Variants in ADGRL3 observed in about 807,000 individuals in gnomAD.
ADGRL3 encodes adhesion G protein-coupled receptor L3, also known as calcium-independent alpha-latrotoxin receptor 3.
ADGRL3 carries 62 observed loss-of-function variants against 153.5 expected under a neutral mutation model. That is an observed-to-expected ratio of 0.40 (90% CI 0.33 to 0.50). ADGRL3 has a LOEUF of 0.50. ADGRL3 is among the 20% of genes least tolerant of loss of function. ADGRL3 has a pLI of 0.47. For synonymous variants in ADGRL3, 710 were observed against 672.5 expected (o/e 1.06, Z -0.86); for missense variants, 1,641 against 1,859.4 (o/e 0.88, Z 2.16).
At chr4:61,252,991 G>C (rs1323620521) in intron 1 of ADGRL3, among the ~76,000 whole-genome samples, 1 of 152,102 alleles carries the variant, frequency 6.6e-6, no homozygotes, top group African/African-American at 2.4e-5. Context: ...GGTGTGTCAT[G>C]CATGTATTTT....
At chr4:61,485,273 G>T (rs931407134) in intron 2 of ADGRL3, among the ~76,000 whole-genome samples, 1 of 152,114 alleles carries the variant, frequency 6.6e-6, no homozygotes, top group Middle Eastern at 3.4e-3. Flanking sequence ...ATTATATTGC[G>T]ATATTTTGTG....
chr4:61,724,108 T>C (rs1349394934), intron 6 of ADGRL3, among the ~76,000 whole-genome samples: 1 of 152,326 alleles, frequency 6.6e-6, no homozygotes, highest in Non-Finnish European at 1.5e-5. Context: ...TTTAGTCTTA[T>C]ACAATCTGAG....
intron 23 of ADGRL3, among the ~76,000 whole-genome samples, chr4:62,031,995 G>A (rs1320867711): frequency 1.5e-5 from 1 of 68,308 alleles, no homozygotes; most frequent in Non-Finnish European, 4.1e-5. Flanking sequence ...ACACACACAT[G>A]GATATATATC....
chr4:62,058,511 C>A (rs1454465192), intron 25 of ADGRL3, among the ~76,000 whole-genome samples: 1 of 152,118 alleles, frequency 6.6e-6, no homozygotes, highest in Admixed American at 6.6e-5. Flanking sequence ...TATTTAGACA[C>A]TTGGTGTAGA....
intron 1 of ADGRL3, among the ~76,000 whole-genome samples, chr4:61,229,397 A>G (rs1749520398): frequency 6.6e-6 from 1 of 152,208 alleles, no homozygotes; most frequent in South Asian, 2.1e-4. Context: ...TGGTAGCCCT[A>G]TCTGGACATT....
intron 13 of ADGRL3, among the ~76,000 whole-genome samples, chr4:61,916,052 G>T (rs947551199): frequency 6.6e-6 from 1 of 152,016 alleles, no homozygotes; most frequent in African/African-American, 2.4e-5. Flanking sequence ...TCTTTTGTAT[G>T]TTCTGACTTT....
chr4:61,521,576 G>A (rs916751440), intron 4 of ADGRL3, among the ~76,000 whole-genome samples: 2 of 152,146 alleles, frequency 1.3e-5, no homozygotes, highest in Non-Finnish European at 2.9e-5. Flanking sequence ...ATAAGAAATA[G>A]ACGAGTCTGT....
rs1356968614 is a variant in ADGRL3, at chr4:61,780,608, A to C, written c.1400-33201A>C. On this transcript the variant is annotated intron_variant, in intron 8 of 26. Transcript: ENST00000683033. ...TGTATGTTTGTAATTTTCTCAGTGT[A>C]CTAACTCATAGTCTATAACACATGA... is the stretch of plus-strand genomic sequence containing the variant. Among the ~76,000 whole-genome samples, 4 of 152,344 alleles carry C rather than the reference A, an allele frequency of 2.6e-5. No individual in the cohort carries two copies. In the East Asian group the frequency reaches 7.7e-4, roughly 29 times the overall value.
At chr4:61,546,780 T>C (rs1045462844) in intron 4 of ADGRL3, among the ~76,000 whole-genome samples, 1 of 152,184 alleles carries the variant, frequency 6.6e-6, no homozygotes, top group South Asian at 2.1e-4. Context: ...AGCTGTTACA[T>C]TGTGAATAGC....
At chr4:61,478,016 A>G (rs1051445072) in intron 2 of ADGRL3, among the ~76,000 whole-genome samples, 3 of 152,074 alleles carry the variant, frequency 2.0e-5, no homozygotes, top group Non-Finnish European at 4.4e-5. Flanking sequence ...ATATTAAAAT[A>G]TTTTAATTAA....
intron 25 of ADGRL3, among the ~76,000 whole-genome samples, chr4:62,053,839 T>C (rs766226907): frequency 2.0e-5 from 3 of 151,574 alleles, no homozygotes; most frequent in Non-Finnish European, 4.4e-5. Flanking sequence ...GATTATATAA[T>C]TTGCACAATA....
At chr4:62,026,895 A>G (rs545142925) in intron 21 of ADGRL3, among the ~76,000 whole-genome samples, 265 of 152,236 alleles carry the variant, frequency 1.7e-3, no homozygotes, top group African/African-American at 6.2e-3. Flanking sequence ...TACTATCTAC[A>G]TGTATCCCAT....
chr4:61,436,286 T>C (rs551261719), intron 2 of ADGRL3, among the ~76,000 whole-genome samples: 1 of 152,280 alleles, frequency 6.6e-6, no homozygotes, highest in South Asian at 2.1e-4. Flanking sequence ...AAAAAATCAG[T>C]GTTAGGCAAA....
intron 8 of ADGRL3, among the ~76,000 whole-genome samples, chr4:61,744,977 G>A (rs2096635483): frequency 6.6e-6 from 1 of 152,092 alleles, no homozygotes; most frequent in Admixed American, 6.5e-5. Flanking sequence ...AAAAAATTTA[G>A]GCGAGTGTAT....
intron 8 of ADGRL3, among the ~76,000 whole-genome samples, chr4:61,758,490 T>G (rs1580674002): frequency 1.3e-5 from 2 of 152,210 alleles, no homozygotes; most frequent in Admixed American, 6.5e-5. Context: ...TATCAGAGAC[T>G]AGGATTGCAA....
chr4:61,744,140 G>A (rs896925673), intron 8 of ADGRL3, among the ~76,000 whole-genome samples: 2 of 152,160 alleles, frequency 1.3e-5, no homozygotes, highest in Admixed American at 6.5e-5. Context: ...CAAACTGCAA[G>A]GCAGCAGCGA....
intron 1 of ADGRL3, among the ~76,000 whole-genome samples, chr4:61,375,396 T>A (rs975245427): frequency 1.3e-5 from 2 of 152,256 alleles, no homozygotes; most frequent in East Asian, 3.9e-4. Context: ...TTGAATGAAA[T>A]TTTAAATTTC....
intron 1 of ADGRL3, among the ~76,000 whole-genome samples, chr4:61,232,729 A>G (rs978283585): frequency 5.3e-5 from 8 of 152,204 alleles, no homozygotes; most frequent in African/African-American, 1.9e-4. Context: ...CAGGTAAGAC[A>G]TGTAAACCAT....
intron 1 of ADGRL3, among the ~76,000 whole-genome samples, chr4:61,375,067 C>T (rs2096587703): frequency 6.6e-6 from 1 of 151,702 alleles, no homozygotes; most frequent in Non-Finnish European, 1.5e-5. Context: ...ACAATTTGGC[C>T]TTCTAGATAT....
Sources: gnomAD v4.1 joint callset for allele counts (sites outside exome capture counted in the v4.1 genomes callset) on GRCh38, gnomAD v4.1.1 for gene constraint, MANE v1.5 for transcripts, NCBI Gene and HGNC (gene_info 2026-07-23, HGNC 2026-07-21) for gene names.